Variants in ADCY2 observed in about 807,000 individuals in gnomAD.
ADCY2 encodes adenylate cyclase type 2.
A neutral mutation model predicts 125.2 loss-of-function variants in ADCY2; 31 were observed. The observed-to-expected ratio is 0.25, with a 90% CI of 0.19 to 0.33. ADCY2 has a LOEUF of 0.33. Ranked by LOEUF, ADCY2 falls within the 10% of genes least tolerant of loss-of-function variation. The pLI is 1.00. For synonymous variants in ADCY2, 512 were observed against 548.4 expected, an observed-to-expected ratio of 0.93 and a Z score of 0.93; for missense variants, 904 against 1,418.2, an observed-to-expected ratio of 0.64 and a Z score of 5.82.
In ADCY2 at chr5:7,398,459, C is replaced by T. The variant is rs1051839682; in HGVS notation, c.210+1953C>T. ...TGTGTTAGTGGTACCCTTTTCAAAG[C>T]GTTTTCCACGCATCTTTACTTTTCC... On this transcript the variant is annotated intron_variant, in intron 1 of 24. Coordinates refer to ENST00000338316, the MANE Select transcript of ADCY2 (RefSeq NM_020546.3). Among the ~76,000 whole-genome samples, 5 of 152,184 alleles carry T rather than the reference C, an allele frequency of 3.3e-5. No homozygotes were observed. The South Asian group carries it at 1.0e-3, about 32-fold the overall frequency.
chr5:7,694,079 C>G (rs577717420), intron 5 of ADCY2, among the ~76,000 whole-genome samples: 16 of 152,156 alleles, frequency 1.1e-4, no homozygotes, highest in South Asian at 4.2e-4. Context: ...TCCCAGGAAC[C>G]CTGATTTTCC....
chr5:7,753,344 A>G (rs1289976939), intron 15 of ADCY2, among the ~76,000 whole-genome samples: 2 of 152,212 alleles, frequency 1.3e-5, no homozygotes, highest in Non-Finnish European at 1.5e-5. Flanking sequence ...AGAGCCGATC[A>G]TGGGGTTCAG....
At chr5:7,513,808 C>T (rs1250788581) in intron 2 of ADCY2, among the ~76,000 whole-genome samples, 1 of 152,170 alleles carries the variant, frequency 6.6e-6, no homozygotes, top group Non-Finnish European at 1.5e-5. Flanking sequence ...TAAGTTACTA[C>T]TGTAAATACA....
chr5:7,809,212 T>C (rs2126529334), intron 22 of ADCY2, among the ~76,000 whole-genome samples: 1 of 152,308 alleles, frequency 6.6e-6, no homozygotes, highest in East Asian at 1.9e-4. Context: ...TTTTAGGACA[T>C]TGAAATATGA....
intron 2 of ADCY2, among the ~76,000 whole-genome samples, chr5:7,480,184 C>CCACTGTGG (rs1458182024): frequency 3.9e-5 from 6 of 152,132 alleles, no homozygotes; most frequent in Non-Finnish European, 8.8e-5. Context: ...ATGAGTTCAA[C>CCACTGTGG]CACTGTGGAA....
intron 3 of ADCY2, among the ~76,000 whole-genome samples, chr5:7,602,422 T>TC (rs1307492423): frequency 2.0e-5 from 3 of 152,176 alleles, no homozygotes; most frequent in African/African-American, 7.2e-5. Flanking sequence ...AGGATGTCTT[T>TC]CCCATTTCAG....
intron 23 of ADCY2, among the ~76,000 whole-genome samples, chr5:7,819,863 C>A (rs1179770307): frequency 6.6e-6 from 1 of 152,214 alleles, no homozygotes; most frequent in African/African-American, 2.4e-5. Flanking sequence ...CACTCCTACA[C>A]TAACTAGAGA....
At chr5:7,410,634 T>G (rs1739671879) in intron 1 of ADCY2, among the ~76,000 whole-genome samples, 1 of 152,236 alleles carries the variant, frequency 6.6e-6, no homozygotes, top group African/African-American at 2.4e-5. Flanking sequence ...TGGTAAATTT[T>G]ATTTTACCTT....
chr5:7,430,590 T>C (rs374987593), intron 2 of ADCY2, among the ~76,000 whole-genome samples: 1 of 149,404 alleles, frequency 6.7e-6, no homozygotes, highest in East Asian at 1.9e-4. Context: ...ATATAAAGGA[T>C]AACATGAACA....
chr5:7,639,632 G>T (rs778408329), intron 4 of ADCY2, among the ~76,000 whole-genome samples: 21 of 152,148 alleles, frequency 1.4e-4, no homozygotes, highest in Non-Finnish European at 2.8e-4. Flanking sequence ...ATTGTATGCA[G>T]GTTAAATGCA....
intron 2 of ADCY2, among the ~76,000 whole-genome samples, chr5:7,429,140 AGAGCAGGTGAAAT>A (rs993543384): frequency 1.6e-4 from 24 of 152,296 alleles, no homozygotes; most frequent in Middle Eastern, 3.4e-3. Context: ...GCTCCAGGAA[AGAGCAGGTGAAAT>A]AATTTCTGGT....
intron 4 of ADCY2, among the ~76,000 whole-genome samples, chr5:7,689,398 G>A (rs188041142): frequency 2.6e-5 from 4 of 152,304 alleles, no homozygotes; most frequent in South Asian, 4.1e-4. Context: ...ATGAATAAGC[G>A]AATGAATGAA....
intron 2 of ADCY2, among the ~76,000 whole-genome samples, chr5:7,468,553 G>A (rs189729117): frequency 3.0e-4 from 46 of 152,050 alleles, no homozygotes; most frequent in African/African-American, 1.1e-3. Context: ...ATTTTTTTGC[G>A]ATTATAAAAC....
In ADCY2 at chr5:7,690,794, C is replaced by T; in HGVS notation, c.824C>T (p.Thr275Ile). 1 of 1,608,476 alleles carries T rather than the reference C, an allele frequency of 6.2e-7. No homozygotes were observed. Among genetic ancestry groups the T allele is most frequent in the Non-Finnish European group, 8.5e-7 (1 of 1,177,854 alleles). The change falls in exon 5 of 25, where the codon ACA (threonine) becomes ATA (isoleucine). Residue 275 changes from threonine (T) to isoleucine (I), a missense_variant. By Grantham distance (89) the Thr-to-Ile change is moderately conservative (BLOSUM62 -1). Coordinates refer to ENST00000338316, the MANE Select transcript of ADCY2 (RefSeq NM_020546.3). ...CCCAAGGCGGGCCAGATGGAGAACA[C>T]AAATAACTTCCACAACCTGTATGTG... ...QGPKAGQMEN[T>I]NNFHNLYVKR... is the part of the protein sequence containing the mutation.
intron 2 of ADCY2, among the ~76,000 whole-genome samples, chr5:7,454,605 A>G (rs1016646508): frequency 2.6e-5 from 4 of 152,164 alleles, no homozygotes; most frequent in Non-Finnish European, 5.9e-5. Flanking sequence ...TATTCATGCA[A>G]TGTTATAAAA....
intron 15 of ADCY2, among the ~76,000 whole-genome samples, chr5:7,745,979 C>G (rs563866334): frequency 6.6e-6 from 1 of 152,310 alleles, no homozygotes; most frequent in African/African-American, 2.4e-5. Context: ...GCCTCCCTTT[C>G]AGCCTCGCTG....
Position 7,440,653 on chromosome 5 carries a change from G to A in ADCY2, c.408+25883G>A, listed in dbSNP as rs548771342. Among the ~76,000 whole-genome samples the A allele has an allele frequency of 1.1e-4, 17 of 152,230 alleles. No individual in the cohort carries two copies. The South Asian group carries it at 3.1e-3, about 28-fold the overall frequency. On this transcript the variant is annotated intron_variant, in intron 2 of 24. Transcript: ENST00000338316. ...TAGGAGGAAACACAGTGACAGATCC[G>A]CTAATGAGGATTAAAGATGCCAGTG... is the stretch of plus-strand genomic sequence containing the variant.
chr5:7,662,977 C>G (rs1271224318), intron 4 of ADCY2, among the ~76,000 whole-genome samples: 1 of 139,708 alleles, frequency 7.2e-6, no homozygotes, highest in Non-Finnish European at 1.6e-5. Flanking sequence ...TTCTTTATGT[C>G]TGCAGTGAAA....
intron 12 of ADCY2, among the ~76,000 whole-genome samples, chr5:7,719,716 C>A (rs774924210): frequency 5.3e-5 from 8 of 152,300 alleles, no homozygotes; most frequent in Admixed American, 1.3e-4. Flanking sequence ...GACACTCATA[C>A]TATCAGATCA....
Sources: allele counts gnomAD v4.1 joint callset (sites outside exome capture counted in the v4.1 genomes callset), GRCh38; gene constraint gnomAD v4.1.1; transcripts MANE v1.5; gene names NCBI Gene and HGNC (gene_info 2026-07-23, HGNC 2026-07-21).